Variants in TSPAN11 observed in about 807,000 individuals in gnomAD.
TSPAN11 encodes the protein tetraspanin-11.
Under a neutral mutation model 32.9 loss-of-function variants are expected in TSPAN11, and 29 were observed. That is an observed-to-expected ratio of 0.88 (90% CI 0.66 to 1.20). TSPAN11 has a LOEUF of 1.20. Ranked by LOEUF, TSPAN11 falls within the 50% of genes most tolerant of loss-of-function variation. The probability of loss-of-function intolerance (pLI) is 0.00; values close to 1 mark genes in which losing one functional copy is unlikely to be tolerated. For synonymous variants in TSPAN11, 140 were observed against 141.3 expected (o/e 0.99, Z 0.07); for missense variants, 283 against 329.1 (o/e 0.86, Z 1.08).
chr12:30,977,693 G>A (rs761836048), intron 3 of TSPAN11, among the ~76,000 whole-genome samples: 1 of 152,096 alleles, frequency 6.6e-6, no homozygotes, highest in Non-Finnish European at 1.5e-5. Context: ...TGCAAGCAGA[G>A]TTGGTCGAGC....
intron 1 of TSPAN11, among the ~76,000 whole-genome samples, chr12:30,929,345 A>G (rs1257335997): frequency 6.6e-6 from 1 of 152,196 alleles, no homozygotes; most frequent in Non-Finnish European, 1.5e-5. Flanking sequence ...CTGCTTGGCC[A>G]TGGAATTCAT....
intron 3 of TSPAN11, among the ~76,000 whole-genome samples, chr12:30,973,992 A>T (rs1454286851): frequency 6.6e-6 from 1 of 152,174 alleles, no homozygotes; most frequent in African/African-American, 2.4e-5. Flanking sequence ...GGCCTCATGG[A>T]ATTCCCTCAT....
intron 1 of TSPAN11, among the ~76,000 whole-genome samples, chr12:30,928,846 C>T (rs1937856603): frequency 1.3e-5 from 2 of 152,198 alleles, no homozygotes; most frequent in Admixed American, 1.3e-4. Context: ...CTAGCACTTG[C>T]GACCTGTCTG....
At chr12:30,977,448 G>T (rs1938998354) in intron 3 of TSPAN11, among the ~76,000 whole-genome samples, 1 of 152,234 alleles carries the variant, frequency 6.6e-6, no homozygotes, top group South Asian at 2.1e-4. Context: ...AGGTGGGCGG[G>T]CAGTGCCCGG....
At chr12:30,980,064 G>A (rs118188074) in intron 5 of TSPAN11, among the ~76,000 whole-genome samples, 1,871 of 152,296 alleles carry the variant, frequency 0.012, 34 homozygotes, top group Non-Finnish European at 0.017. Context: ...CTCCTTCCCC[G>A]GGGAGCTGGC....
the TSPAN11 span, among the ~76,000 whole-genome samples, chr12:31,006,194 A>G: frequency 6.6e-6 from 1 of 152,164 alleles, no homozygotes; most frequent in South Asian, 2.1e-4. Context: ...TGGCCAAGCT[A>G]TCATCTAGTC....
At chr12:31,011,246 T>C in the TSPAN11 span, among the ~76,000 whole-genome samples, 1 of 152,036 alleles carries the variant, frequency 6.6e-6, no homozygotes, top group Admixed American at 6.6e-5. Flanking sequence ...ATACAAAAAT[T>C]AGCCAGGTGT....
chr12:30,973,694 A>G (rs184440061), intron 3 of TSPAN11, among the ~76,000 whole-genome samples: 115 of 152,334 alleles, frequency 7.5e-4, no homozygotes, highest in African/African-American at 2.4e-3. Context: ...ACAGTGAGCT[A>G]GGAAAAGCAG....
intron 3 of TSPAN11, among the ~76,000 whole-genome samples, chr12:30,974,641 T>C (rs1408755754): frequency 2.6e-5 from 4 of 152,216 alleles, no homozygotes; most frequent in Non-Finnish European, 4.4e-5. Context: ...CCCAGCACCA[T>C]ACCAGGCACT....
intron 2 of TSPAN11, among the ~76,000 whole-genome samples, chr12:30,961,147 G>C (rs1326101833): frequency 2.0e-5 from 3 of 151,866 alleles, no homozygotes; most frequent in Non-Finnish European, 4.4e-5. Flanking sequence ...TAGTTCACTG[G>C]GGTCAGATCT....
intron 1 of TSPAN11, among the ~76,000 whole-genome samples, chr12:30,927,362 G>A (rs1937821806): frequency 6.6e-6 from 1 of 152,226 alleles, no homozygotes; most frequent in Non-Finnish European, 1.5e-5. Context: ...TGTGCAGTTG[G>A]CCGGCTCCGT....
At position 30,951,442 on chromosome 12, in the gene TSPAN11, G is replaced by A. The variant is rs61916735; in HGVS notation, c.-11-2539G>A. Among the ~76,000 whole-genome samples the A allele has an allele frequency of 6.5e-3, 988 of 152,288 alleles. 7 individuals carry two copies. Among genetic ancestry groups the A allele is most frequent in the Non-Finnish European group, 0.01 (711 of 68,016 alleles). ...TGGTAGATCTGGTCCTGTGAGTATT[G>A]CACAGTGGGTAAAAGCTTGAGCCCA... On this transcript the variant is annotated intron_variant, in intron 1 of 7. Transcript: ENST00000546076.
downstream of TSPAN11, among the ~76,000 whole-genome samples, chr12:31,001,057 C>T (rs528559966): frequency 1.1e-4 from 16 of 152,352 alleles, no homozygotes; most frequent in African/African-American, 3.4e-4. Context: ...GCAGCCTCCC[C>T]TGTCCCTCTG....
chr12:30,983,769 G>C (rs2140308052), intron 7 of TSPAN11, among the ~76,000 whole-genome samples: 1 of 152,278 alleles, frequency 6.6e-6, no homozygotes, highest in East Asian at 1.9e-4. Flanking sequence ...TGTTTACGTA[G>C]CATTTACACT....
chr12:30,942,288 A>G (rs549040453), intron 1 of TSPAN11, among the ~76,000 whole-genome samples: 2 of 152,222 alleles, frequency 1.3e-5, no homozygotes. Context: ...CACAGCCACC[A>G]TGCAAGGGAG....
At chr12:30,945,401 G>A (rs1938246406) in intron 1 of TSPAN11, among the ~76,000 whole-genome samples, 1 of 152,186 alleles carries the variant, frequency 6.6e-6, no homozygotes, top group African/African-American at 2.4e-5. Context: ...ATGTTTGAGT[G>A]TGTAAAGGAT....
At chr12:31,002,918 A>T in the TSPAN11 span, among the ~76,000 whole-genome samples, 1 of 152,154 alleles carries the variant, frequency 6.6e-6, no homozygotes, top group Non-Finnish European at 1.5e-5. The surrounding 1 kb of genome is among the most constrained non-coding windows in gnomAD (Gnocchi z 4.8). Context: ...ACACCGCTCC[A>T]GCTGCGGGCT....
the TSPAN11 span, among the ~76,000 whole-genome samples, chr12:31,016,395 C>A: frequency 6.6e-6 from 1 of 151,300 alleles, no homozygotes; most frequent in Non-Finnish European, 1.5e-5. Flanking sequence ...ATGGTTTCCA[C>A]GGTAAATTTT....
chr12:31,011,302 A>C, the TSPAN11 span, among the ~76,000 whole-genome samples: 1 of 152,198 alleles, frequency 6.6e-6, no homozygotes, highest in African/African-American at 2.4e-5. Context: ...GCTGTCTTTT[A>C]GGCAATGCAG....
Sources: gnomAD v4.1 joint callset for allele counts (sites outside exome capture counted in the v4.1 genomes callset) on GRCh38, gnomAD v4.1.1 for gene constraint, Gnocchi (gnomAD v3.1) non-coding constraint, MANE v1.5 for transcripts, NCBI Gene and HGNC (gene_info 2026-07-23, HGNC 2026-07-21) for gene names.